The following C8orf89 variants were observed in gnomAD, a reference collection of about 807,000 sequenced individuals.
The protein encoded by C8orf89 is chromosome 8 open reading frame 89.
A neutral mutation model predicts 15.8 loss-of-function variants in C8orf89; 14 were observed. The observed-to-expected ratio is 0.89, with a 90% CI of 0.59 to 1.39. The LOEUF is 1.39. Among genes scored for constraint, C8orf89 ranks in the 40% most tolerant of loss-of-function variants. C8orf89 has a pLI of 0.00. For synonymous variants in C8orf89, 55 were observed against 62.2 expected (o/e 0.88, Z 0.54); for missense variants, 181 against 184.5 (o/e 0.98, Z 0.11).
At chr8:73,265,080 A>T in the C8orf89 span, among the ~76,000 whole-genome samples, 65,532 of 152,010 alleles carry the variant, frequency 0.43, 15,124 homozygotes, top group African/African-American at 0.61. Context: ...ACACTTCTTG[A>T]GGAAAAAAAA....
chr8:73,241,462 G>T lies in C8orf89; in HGVS notation c.481C>A (p.Arg161Ser). 6.6e-7 allele frequency: 1 copy of T among 1,521,566 alleles called. No homozygotes were observed. Among genetic ancestry groups the T allele is most frequent in the East Asian group, 2.5e-5 (1 of 40,736 alleles). The allele number at this position is 1,521,566 out of a possible 1,614,324, so 94.3% of individuals were successfully genotyped here. The change falls in exon 4 of 4, where the codon CGC (arginine) becomes AGC (serine). Residue 161 changes from arginine (R) to serine (S), a missense_variant. By Grantham distance (110) the Arg-to-Ser change is moderately radical. Coordinates refer to ENST00000624510, the MANE Select transcript of C8orf89 (RefSeq NM_001243237.3). ...ATCACACTGTACGACATTTTTCAGC[G>T]GTCTCGGAGGTCTCGTTTCTTGCTT... The part of the protein sequence containing the change: ...KKSKKRDLRD[R>S]
chr8:73,253,909 T>C (rs1251728477), intron 2 of C8orf89, among the ~76,000 whole-genome samples: 2 of 150,744 alleles, frequency 1.3e-5, no homozygotes, highest in Non-Finnish European at 1.5e-5. Flanking sequence ...CTTTTCCTAA[T>C]TGAATACCCT....
chr8:73,283,165 G>A, the C8orf89 span, among the ~76,000 whole-genome samples: 1 of 152,196 alleles, frequency 6.6e-6, no homozygotes, highest in African/African-American at 2.4e-5. Flanking sequence ...GCAGGAAGAA[G>A]AAAAGGCAGA....
chr8:73,284,363 G>A, the C8orf89 span, among the ~76,000 whole-genome samples: 3 of 151,802 alleles, frequency 2.0e-5, no homozygotes, highest in Non-Finnish European at 4.4e-5. Context: ...ACAGGCACGC[G>A]CCACCATGCC....
chr8:73,261,441 G>A (rs1813528460), upstream of C8orf89, among the ~76,000 whole-genome samples: 1 of 151,894 alleles, frequency 6.6e-6, no homozygotes, highest in African/African-American at 2.4e-5. Flanking sequence ...GAGAAAGAGG[G>A]AAAAGGAGGA....
At chr8:73,273,119 T>G in the C8orf89 span, among the ~76,000 whole-genome samples, 1 of 152,198 alleles carries the variant, frequency 6.6e-6, no homozygotes, top group South Asian at 2.1e-4. Flanking sequence ...ATGATGCCAG[T>G]TGCAGTGGGG....
At chr8:73,250,148 A>T in intron 3 of C8orf89, 120 bp downstream of exon 3, 1 of 623,960 alleles carries the variant, frequency 1.6e-6, no homozygotes, top group Non-Finnish European at 2.7e-6. Context: ...AACAAAGCTT[A>T]AAAGAAGTAG....
At chr8:73,283,712 G>T in the C8orf89 span, among the ~76,000 whole-genome samples, 1 of 152,120 alleles carries the variant, frequency 6.6e-6, no homozygotes, top group African/African-American at 2.4e-5. Context: ...CTGCTTCAAG[G>T]AATTTATTCT....
intron 3 of C8orf89, among the ~76,000 whole-genome samples, chr8:73,243,893 C>CTTAATATAT (rs1813065091): frequency 6.6e-6 from 1 of 152,080 alleles, no homozygotes; most frequent in Admixed American, 6.6e-5. Context: ...ACCTTTAATG[C>CTTAATATAT]TTGTATTTAA....
At chr8:73,267,372 A>G in the C8orf89 span, among the ~76,000 whole-genome samples, 287 of 152,356 alleles carry the variant, frequency 1.9e-3, 2 homozygotes, top group African/African-American at 6.1e-3. Context: ...TTGATGATGG[A>G]TAACTGAAAC....
the C8orf89 span, among the ~76,000 whole-genome samples, chr8:73,278,559 C>T: frequency 6.6e-6 from 1 of 152,134 alleles, no homozygotes; most frequent in Non-Finnish European, 1.5e-5. Flanking sequence ...CTACATTTCA[C>T]CCCCATACTT....
chr8:73,270,732 C>A, the C8orf89 span, among the ~76,000 whole-genome samples: 1 of 151,932 alleles, frequency 6.6e-6, no homozygotes, highest in Non-Finnish European at 1.5e-5. Flanking sequence ...ACAGGGAGAC[C>A]TGGTCTCTAA....
intron 2 of C8orf89, among the ~76,000 whole-genome samples, chr8:73,253,304 A>G (rs1365669274): frequency 6.6e-6 from 1 of 152,224 alleles, no homozygotes; most frequent in Non-Finnish European, 1.5e-5. Context: ...TTCTAGAAGG[A>G]AAAGTATTTG....
At chr8:73,252,307 T>A (rs1363318393) in intron 2 of C8orf89, among the ~76,000 whole-genome samples, 1 of 152,186 alleles carries the variant, frequency 6.6e-6, no homozygotes, top group East Asian at 1.9e-4. Context: ...GTCAGTGAAA[T>A]ATAATGTGGT....
intron 3 of C8orf89, among the ~76,000 whole-genome samples, chr8:73,249,506 T>C (rs1287082951): frequency 6.6e-6 from 1 of 152,156 alleles, no homozygotes; most frequent in Non-Finnish European, 1.5e-5. Flanking sequence ...CCAGCTCTTT[T>C]TGTACATCTG....
chr8:73,256,511 C>T (rs568172842), intron 2 of C8orf89, among the ~76,000 whole-genome samples: 85 of 151,936 alleles, frequency 5.6e-4, no homozygotes, highest in African/African-American at 1.9e-3. Context: ...GGGCAGATGA[C>T]GAGGTCAAGA....
At chr8:73,274,573 T>A in the C8orf89 span, among the ~76,000 whole-genome samples, 443 of 152,344 alleles carry the variant, frequency 2.9e-3, 3 homozygotes, top group African/African-American at 0.01. Context: ...ATTGCTTAAA[T>A]ATTAGCAAAA....
chr8:73,276,270 A>G, the C8orf89 span, among the ~76,000 whole-genome samples: 1 of 146,574 alleles, frequency 6.8e-6, no homozygotes, highest in South Asian at 2.2e-4. Context: ...TCCAACTCCC[A>G]GGTTCAAGCG....
chr8:73,274,749 G>C, the C8orf89 span, among the ~76,000 whole-genome samples: 4 of 152,176 alleles, frequency 2.6e-5, no homozygotes, highest in South Asian at 8.3e-4. Context: ...TAGGAGAAAA[G>C]ATACTGAGTT....
Sources: allele counts gnomAD v4.1 joint callset (sites outside exome capture counted in the v4.1 genomes callset), GRCh38; gene constraint gnomAD v4.1.1; transcripts MANE v1.5; gene names NCBI Gene and HGNC (gene_info 2026-07-23, HGNC 2026-07-21).